Variants in ACMSD observed in about 807,000 individuals in gnomAD.
The protein encoded by ACMSD is aminocarboxymuconate semialdehyde decarboxylase, also known as 2-amino-3-carboxymuconate-6-semialdehyde decarboxylase.
Under a neutral mutation model 45.9 loss-of-function variants are expected in ACMSD, and 37 were observed. That is an observed-to-expected ratio of 0.81 (90% CI 0.62 to 1.06). The LOEUF (loss-of-function observed/expected upper bound fraction) is 1.06. Ranked by LOEUF, ACMSD falls within the 50% of genes least tolerant of loss-of-function variation. The pLI, the probability that ACMSD is intolerant of heterozygous loss-of-function variation, is 0.00. For missense variants in ACMSD, 434 were observed against 420.9 expected (o/e 1.03, Z -0.27); for synonymous variants, 138 against 148.8 (o/e 0.93, Z 0.53).
chr2:134,847,417 T>C (rs1170527014), intron 2 of ACMSD, among the ~76,000 whole-genome samples: 2 of 150,696 alleles, frequency 1.3e-5, no homozygotes, highest in African/African-American at 4.9e-5. Flanking sequence ...GATAGATAGA[T>C]AGATAGATAG....
rs1687872499 is a variant in ACMSD, at chr2:134,861,987, T to C, written c.218T>C (p.Leu73Pro). The C allele has an allele frequency of 6.2e-7, 1 of 1,614,198 alleles. No individual in the cohort carries two copies. The highest frequency in any genetic ancestry group is 8.5e-7 in the Non-Finnish European group (1 of 1,180,026). The part of the protein sequence containing the change: ...MDQKGVTVQA[L>P]STVPVMFSYW... Reference sequence around the variant, plus strand: ...TGTCTAGGAGTAACAGTGCAAGCCCTTTCCACAGTTCCTGTCATGTTTAGC... The same window carrying C: ...TGTCTAGGAGTAACAGTGCAAGCCCCTTCCACAGTTCCTGTCATGTTTAGC... The change falls in exon 4 of 10, where the codon CTT becomes CCT. Residue 73 changes from leucine to proline, a missense_variant. Physicochemically the swap from Leu to Pro is moderately conservative, Grantham distance 98 (BLOSUM62 -3). Coordinates refer to ENST00000356140, the MANE Select transcript of ACMSD (RefSeq NM_138326.3).
intron 5 of ACMSD, among the ~76,000 whole-genome samples, 159 bp downstream of exon 5, chr2:134,863,790 C>G (rs1039992997): frequency 6.6e-6 from 1 of 152,026 alleles, no homozygotes. Context: ...GAAATAGCCC[C>G]CGCAAAGGAG....
chr2:134,888,079 ATAAG>A (rs1393488200), intron 8 of ACMSD, among the ~76,000 whole-genome samples: 2 of 152,204 alleles, frequency 1.3e-5, no homozygotes, highest in Non-Finnish European at 2.9e-5. Flanking sequence ...AGCAACATGA[ATAAG>A]TAAGCCACAG....
In ACMSD at chr2:134,887,816, TG is replaced by T. The variant is rs542319838; in HGVS notation, c.850-10518del. 5.9e-5 allele frequency among the ~76,000 whole-genome samples: 9 copies of T among 152,190 alleles called. 1 individual carries two copies. Among genetic ancestry groups the T allele is most frequent in the African/African-American group, 1.9e-4 (8 of 41,520 alleles). Reference sequence around the variant, plus strand: ...GGTGCTGAAGCAAGAATCCATCATATGGGGGGGAAATGAACCCTGACCCTAT... The same window carrying T: ...GGTGCTGAAGCAAGAATCCATCATATGGGGGGAAATGAACCCTGACCCTAT... On this transcript the variant is annotated intron_variant, in intron 8 of 9. Coordinates refer to ENST00000356140, the MANE Select transcript of ACMSD (RefSeq NM_138326.3).
chr2:134,874,397 T>C (rs1202694145), intron 8 of ACMSD, among the ~76,000 whole-genome samples: 1 of 152,234 alleles, frequency 6.6e-6, no homozygotes, highest in Non-Finnish European at 1.5e-5. Flanking sequence ...ATATTAATAC[T>C]TCTTCATTCT....
At chr2:134,849,871 C>T (rs891487302) in intron 2 of ACMSD, among the ~76,000 whole-genome samples, 24 of 152,012 alleles carry the variant, frequency 1.6e-4, no homozygotes, top group African/African-American at 5.6e-4. Context: ...ATTTTAAAGC[C>T]TCCAACCCAG....
At chr2:134,881,108 T>A (rs1317476082) in intron 8 of ACMSD, among the ~76,000 whole-genome samples, 1 of 152,200 alleles carries the variant, frequency 6.6e-6, no homozygotes, top group Non-Finnish European at 1.5e-5. Flanking sequence ...AAGCAATTCT[T>A]GTGCCTCTCA....
chr2:134,849,616 C>T (rs1202784099), intron 2 of ACMSD, among the ~76,000 whole-genome samples: 4 of 152,204 alleles, frequency 2.6e-5, no homozygotes, highest in Admixed American at 6.5e-5. Flanking sequence ...CTTTCCAAAA[C>T]ATTTCTCTGG....
intron 8 of ACMSD, among the ~76,000 whole-genome samples, chr2:134,898,035 T>A (rs1300599078): frequency 2.0e-5 from 3 of 151,560 alleles, no homozygotes; most frequent in African/African-American, 7.2e-5. Flanking sequence ...AATATATATA[T>A]TTTAGTAAAT....
At chr2:134,849,589 C>T (rs1019259497) in intron 2 of ACMSD, among the ~76,000 whole-genome samples, 18 of 152,166 alleles carry the variant, frequency 1.2e-4, no homozygotes, top group African/African-American at 4.3e-4. Flanking sequence ...CCTGGAGATA[C>T]CTGTTCTCTC....
chr2:134,863,672 GCCTGGGCCGGGGGCA>G, intron 5 of ACMSD, 41 bp downstream of exon 5: 1 of 1,598,156 alleles, frequency 6.3e-7, no homozygotes. Context: ...GCCGCCCAGT[GCCTGGGCCGGGGGCA>G]CCGCTGGGTG....
chr2:134,854,343 C>G (rs1687482343), intron 2 of ACMSD, among the ~76,000 whole-genome samples: 2 of 152,186 alleles, frequency 1.3e-5, no homozygotes, highest in South Asian at 4.1e-4. Context: ...AAACAGCTCC[C>G]AGAGTTCCTG....
chr2:134,862,117 A>T (rs949117124), intron 4 of ACMSD, 99 bp downstream of exon 4: 1 of 1,228,890 alleles, frequency 8.1e-7, no homozygotes, highest in Non-Finnish European at 1.2e-6. Flanking sequence ...CAGTACCACT[A>T]ACTGCCCCCA....
chr2:134,901,731 A>T, intron 9 of ACMSD, 67 bp from the exon 10 acceptor site: 1 of 1,149,318 alleles, frequency 8.7e-7, no homozygotes, highest in Non-Finnish European at 1.2e-6. Flanking sequence ...AAACCTGATC[A>T]ATGTAGTACT....
In ACMSD at chr2:134,872,652, T is replaced by C. The variant is rs1484538834; in HGVS notation, c.849+11T>C. The C allele has an allele frequency of 1.2e-6, 2 of 1,614,008 alleles. No homozygotes were observed. Among genetic ancestry groups the C allele is most frequent in the African/African-American group, 2.7e-5 (2 of 74,924 alleles). On this transcript the variant is annotated intron_variant, in intron 8 of 9. Coordinates refer to ENST00000356140, the MANE Select transcript of ACMSD (RefSeq NM_138326.3). ...GATGTCATAGGAAAGGTAAGCCCAGTCTGCCACTTGGATGGCTTATGGGGA... is the reference window on the plus strand; with the variant it reads ...GATGTCATAGGAAAGGTAAGCCCAGCCTGCCACTTGGATGGCTTATGGGGA...
At chr2:134,861,893 G>T (rs1487348536) in intron 3 of ACMSD, 76 bp from the exon 4 acceptor site, 4 of 1,536,870 alleles carry the variant, frequency 2.6e-6, no homozygotes, top group Non-Finnish European at 3.6e-6. Context: ...GCTTGCTGCC[G>T]CTTGGCCTTG....
At chr2:134,884,013 C>T (rs1314583170) in intron 8 of ACMSD, among the ~76,000 whole-genome samples, 2 of 152,084 alleles carry the variant, frequency 1.3e-5, no homozygotes, top group African/African-American at 2.4e-5. Flanking sequence ...TTCTCTCTTG[C>T]GAAATTACTG....
chr2:134,867,815 T>TA (rs2104871224), intron 6 of ACMSD, 143 bp downstream of exon 6: 2 of 553,848 alleles, frequency 3.6e-6, no homozygotes, highest in East Asian at 5.9e-5. Flanking sequence ...ACTGAGCTCT[T>TA]ACTTGGATTA....
chr2:134,849,585 G>A (rs1367633636), intron 2 of ACMSD, among the ~76,000 whole-genome samples: 2 of 152,176 alleles, frequency 1.3e-5, no homozygotes, highest in African/African-American at 4.8e-5. Flanking sequence ...TTACCCTGGA[G>A]ATACCTGTTC....
Sources: gnomAD v4.1 joint callset for allele counts (sites outside exome capture counted in the v4.1 genomes callset) on GRCh38, gnomAD v4.1.1 for gene constraint, MANE v1.5 for transcripts, NCBI Gene and HGNC (gene_info 2026-07-23, HGNC 2026-07-21) for gene names.